ABCA9: variants seen among roughly 807,000 people sequenced by gnomAD.
ABCA9 encodes ATP binding cassette subfamily A member 9, also known as ATP-binding cassette sub-family A member 9.
A neutral mutation model predicts 205.3 loss-of-function variants in ABCA9; 183 were observed. The ratio of observed to expected loss-of-function variants is 0.89; its 90% CI spans 0.79 to 1.01. The LOEUF (loss-of-function observed/expected upper bound fraction) is 1.01, where lower values mean the gene tolerates loss of function less well. ABCA9 is among the 50% of genes least tolerant of loss of function. The pLI is 0.00. For synonymous variants in ABCA9, 651 were observed against 683.3 expected, an observed-to-expected ratio of 0.95 and a Z score of 0.74; for missense variants, 1,805 against 1,912.4, an observed-to-expected ratio of 0.94 and a Z score of 1.05.
chr17:69,038,139 C>T (rs939839766), intron 6 of ABCA9, among the ~76,000 whole-genome samples: 1 of 152,114 alleles, frequency 6.6e-6, no homozygotes, highest in Admixed American at 6.5e-5. Context: ...ACCAGAAGTA[C>T]AAAGGGGAGC....
Position 69,035,714 on chromosome 17 carries a change from G to A in ABCA9, c.888C>T (p.Val296=), listed in dbSNP as rs765188757. The change falls in exon 7 of 39, where the codon GTC becomes GTT. Residue 296 remains valine, a synonymous_variant. Coordinates refer to ENST00000340001, the MANE Select transcript of ABCA9 (RefSeq NM_080283.4). ...ALIVKSAQIV[V]LTGFVMVFTL... ...TGAAGACCATCACAAAACCAGTCAG[G>A]ACGACAATTTGTGCAGATTTTACAA... is the stretch of plus-strand genomic sequence containing the variant. 11 of 1,613,672 alleles carry A rather than the reference G, an allele frequency of 6.8e-6. No individual in the cohort carries two copies. Among genetic ancestry groups the A allele is most frequent in the Non-Finnish European group, 9.3e-6 (11 of 1,179,800 alleles).
At chr17:68,987,446 CAG>C (rs577867093) in intron 31 of ABCA9, among the ~76,000 whole-genome samples, 4 of 152,174 alleles carry the variant, frequency 2.6e-5, no homozygotes, top group Admixed American at 6.5e-5. Context: ...TAAAGAATAA[CAG>C]GGAGGATTTA....
At chr17:68,996,098 A>T in intron 25 of ABCA9, 84 bp from the exon 26 acceptor site, 1 of 1,432,798 alleles carries the variant, frequency 7.0e-7, no homozygotes, top group South Asian at 1.4e-5. Flanking sequence ...GAATTCATTT[A>T]TAAACGTTGT....
intron 25 of ABCA9, among the ~76,000 whole-genome samples, chr17:68,996,980 G>C (rs2069645289): frequency 6.6e-6 from 1 of 151,956 alleles, no homozygotes; most frequent in South Asian, 2.1e-4. Context: ...CCAAGTGCTG[G>C]AGTGCAATGG....
At chr17:69,077,502 A>C in the ABCA9 span, among the ~76,000 whole-genome samples, 123,754 of 152,116 alleles carry the variant, frequency 0.81, 52,648 homozygotes, top group Non-Finnish European at 0.94. Flanking sequence ...GAAGTGTTCT[A>C]TAGATGCCTG....
intron 25 of ABCA9, among the ~76,000 whole-genome samples, chr17:69,000,928 T>C (rs2069841547): frequency 7.3e-6 from 1 of 136,868 alleles, no homozygotes; most frequent in Non-Finnish European, 1.5e-5. Flanking sequence ...TCTGTTTGTC[T>C]GTTGTTGTAT....
chr17:69,032,394 G>T, intron 9 of ABCA9, 118 bp from the exon 10 acceptor site: 1 of 897,490 alleles, frequency 1.1e-6, no homozygotes, highest in Non-Finnish European at 1.7e-6. Flanking sequence ...ATTAAGGTCT[G>T]TATTAATTAC....
intron 10 of ABCA9, among the ~76,000 whole-genome samples, chr17:69,029,491 T>C (rs1298095599): frequency 1.3e-4 from 20 of 152,050 alleles, no homozygotes; most frequent in Admixed American, 1.3e-3. Flanking sequence ...CGGAAATATA[T>C]TGTTAGAAGA....
chr17:69,061,150 G>T, upstream of ABCA9: 1 of 985,168 alleles, frequency 1.0e-6, no homozygotes, highest in Non-Finnish European at 1.2e-6. Context: ...CAGATGGTTG[G>T]CTGGACATAT....
chr17:69,060,791 G>T, intron 1 of ABCA9, 75 bp downstream of exon 1: 1 of 910,086 alleles, frequency 1.1e-6, no homozygotes, highest in Non-Finnish European at 1.3e-6. Flanking sequence ...CTACCTAAAC[G>T]TCTGGCATGC....
chr17:69,053,915 AAAAAAATCTT>A (rs2071987229), intron 1 of ABCA9, among the ~76,000 whole-genome samples: 1 of 152,182 alleles, frequency 6.6e-6, no homozygotes, highest in African/African-American at 2.4e-5. Context: ...AAAGATAAAG[AAAAAAATCTT>A]AAAGAAGCCA....
At chr17:69,006,390 A>T (rs1471741481) in intron 25 of ABCA9, among the ~76,000 whole-genome samples, 1 of 152,244 alleles carries the variant, frequency 6.6e-6, no homozygotes. Flanking sequence ...AGCCACTTGA[A>T]TGTCCATCAA....
chr17:69,007,957 G>A (rs2070210560), intron 24 of ABCA9, 85 bp from the exon 25 acceptor site: 1 of 1,420,024 alleles, frequency 7.0e-7, no homozygotes, highest in East Asian at 2.3e-5. Context: ...CCAAAACTAT[G>A]CAATAGCACA....
At chr17:68,976,858 C>A (rs1472533487) in intron 37 of ABCA9, among the ~76,000 whole-genome samples, 1 of 152,132 alleles carries the variant, frequency 6.6e-6, no homozygotes, top group African/African-American at 2.4e-5. Flanking sequence ...CCATCTGATA[C>A]CAATTTGGAC....
intron 16 of ABCA9, among the ~76,000 whole-genome samples, chr17:69,025,962 T>C (rs774117675): frequency 5.3e-5 from 8 of 151,976 alleles, no homozygotes; most frequent in Non-Finnish European, 1.0e-4. Flanking sequence ...TACTCAGTAA[T>C]GATAATAATT....
intron 25 of ABCA9, among the ~76,000 whole-genome samples, chr17:69,005,581 G>T (rs1598359424): frequency 6.6e-6 from 1 of 152,194 alleles, no homozygotes; most frequent in East Asian, 1.9e-4. Flanking sequence ...GATGGAAGTA[G>T]ACTTAGGAAA....
chr17:69,049,483 A>T lies in ABCA9; in HGVS notation c.104T>A (p.Leu35His). The T allele has an allele frequency of 6.2e-7, 1 of 1,608,698 alleles. No homozygotes were observed. The highest frequency in any genetic ancestry group is 8.5e-7 in the Non-Finnish European group (1 of 1,177,200). Reference protein sequence around the residue: ...RMKRQTLLEWLFSFLLVLFLY... With the variant: ...RMKRQTLLEWHFSFLLVLFLY... ...AAACAGTACCAGAAGAAATGAAAAG[A>T]GCCATTCCTATATAGCAATAAGAGA... is the stretch of plus-strand genomic sequence containing the variant. The change falls in exon 3 of 39, where the codon CTC becomes CAC. Residue 35 changes from leucine to histidine, a missense_variant. Transcript: ENST00000340001.
intron 26 of ABCA9, among the ~76,000 whole-genome samples, chr17:68,993,886 T>C (rs962092787): frequency 1.3e-4 from 20 of 152,296 alleles, no homozygotes; most frequent in African/African-American, 4.8e-4. Flanking sequence ...TACTATATTT[T>C]TTTTTATGGG....
chr17:69,075,273 T>C, the ABCA9 span, among the ~76,000 whole-genome samples: 1 of 152,156 alleles, frequency 6.6e-6, no homozygotes. Flanking sequence ...CCATTTTTGG[T>C]TTTGTTGCAA....
Sources: gnomAD v4.1 joint callset for allele counts (sites outside exome capture counted in the v4.1 genomes callset) on GRCh38, gnomAD v4.1.1 for gene constraint, MANE v1.5 for transcripts, NCBI Gene and HGNC (gene_info 2026-07-23, HGNC 2026-07-21) for gene names.